The following TNFAIP8 variants were observed in gnomAD, a reference collection of about 807,000 sequenced individuals.
TNFAIP8 encodes TNF alpha induced protein 8.
TNFAIP8 carries 7 observed loss-of-function variants against 13.3 expected under a neutral mutation model. The observed-to-expected ratio is 0.52, with a 90% CI of 0.30 to 0.99. The LOEUF (loss-of-function observed/expected upper bound fraction) is 0.99. Ranked by LOEUF, TNFAIP8 falls within the 50% of genes least tolerant of loss-of-function variation. The probability of loss-of-function intolerance (pLI) is 0.07; values close to 1 mark genes in which losing one functional copy is unlikely to be tolerated. For synonymous variants in TNFAIP8, 94 were observed against 87.6 expected, an observed-to-expected ratio of 1.07 and a Z score of -0.41; for missense variants, 258 against 236.9, an observed-to-expected ratio of 1.09 and a Z score of -0.58.
intron 1 of TNFAIP8, among the ~76,000 whole-genome samples, chr5:119,287,334 G>A (rs943864878): frequency 4.1e-4 from 16 of 39,206 alleles, no homozygotes; most frequent in African/African-American, 8.3e-4. Flanking sequence ...AGATATAATT[G>A]ACACATAAAA....
At position 119,398,476 on chromosome 5, in the gene TNFAIP8, T is replaced by A. The variant is rs1364238948; in HGVS notation, c.*5095T>A. 3 of 151,678 alleles carry A rather than the reference T, an allele frequency of 2.0e-5. No individual in the cohort carries two copies. Among genetic ancestry groups the A allele is most frequent in the African/African-American group, 4.8e-5 (2 of 41,262 alleles). The allele number at this position is 151,678 out of a possible 1,614,324, so 9.4% of individuals were successfully genotyped here. On this transcript the variant is annotated 3_prime_UTR_variant, in exon 2 of 2. Coordinates refer to ENST00000504771, the MANE Select transcript of TNFAIP8 (RefSeq NM_014350.4). ...TGGGCGGATCACCTGAGGTCCAGAG[T>A]TCAAGACCAGCCTGACCAACATGGT... is the stretch of plus-strand genomic sequence containing the variant.
intron 1 of TNFAIP8, among the ~76,000 whole-genome samples, chr5:119,385,548 T>C (rs1580448069): frequency 6.6e-6 from 1 of 152,210 alleles, no homozygotes; most frequent in African/African-American, 2.4e-5. Flanking sequence ...CTATTTTAAC[T>C]AGCAGAGTCC....
At chr5:119,333,673 CTT>C in intron 1 of TNFAIP8, 1 of 1,439,160 alleles carries the variant, frequency 6.9e-7, no homozygotes, top group African/African-American at 1.4e-5. Context: ...GATATAATGT[CTT>C]TGTTGAAATC....
upstream of TNFAIP8, among the ~76,000 whole-genome samples, chr5:119,353,329 G>C (rs1237029227): frequency 1.3e-5 from 2 of 152,232 alleles, no homozygotes; most frequent in Non-Finnish European, 2.9e-5. Flanking sequence ...GTACATATCT[G>C]AGAGCAGCAG....
rs1273378190 is a variant in TNFAIP8, at chr5:119,398,216, G to A, written c.*4835G>A. The A allele has an allele frequency of 6.6e-6, 1 of 152,170 alleles. No homozygotes were observed. The highest frequency in any genetic ancestry group is 1.9e-4 in the East Asian group (1 of 5,198). 9.4% of individuals were successfully genotyped at this position (152,170 alleles called of 1,614,324 possible). A position where few individuals can be genotyped will look rare whatever the true frequency, so the allele number is the denominator to read the frequency against. On this transcript the variant is annotated 3_prime_UTR_variant, in exon 2 of 2. Transcript: ENST00000504771. The stretch of plus-strand genomic sequence containing the variant: ...CTTCCCTGACATCAGCTGCATAACT[G>A]TATTTCTGCCTCGTGGAAATAAAGT...
chr5:119,283,958 T>C (rs1327082073), intron 1 of TNFAIP8, among the ~76,000 whole-genome samples: 1 of 152,260 alleles, frequency 6.6e-6, no homozygotes, highest in African/African-American at 2.4e-5. Flanking sequence ...CTCAGCTGCC[T>C]GTCTTTTTGC....
intron 1 of TNFAIP8, among the ~76,000 whole-genome samples, chr5:119,270,882 A>T (rs1229459256): frequency 1.3e-5 from 2 of 152,218 alleles, no homozygotes; most frequent in Non-Finnish European, 2.9e-5. Flanking sequence ...AAGCATAGTG[A>T]TCCTGCACAA....
chr5:119,335,043 G>T (rs1750507782), intron 1 of TNFAIP8, among the ~76,000 whole-genome samples: 1 of 152,084 alleles, frequency 6.6e-6, no homozygotes, highest in South Asian at 2.1e-4. Flanking sequence ...GAAGTGAAGG[G>T]GAGGCAAGGT....
At chr5:119,291,784 T>C (rs1208230189) in intron 1 of TNFAIP8, among the ~76,000 whole-genome samples, 2 of 152,248 alleles carry the variant, frequency 1.3e-5, no homozygotes, top group Non-Finnish European at 2.9e-5. Context: ...ACTCAAGAGA[T>C]AGTTTCAAGA....
intron 1 of TNFAIP8, among the ~76,000 whole-genome samples, chr5:119,325,716 G>A (rs1302701250): frequency 2.0e-5 from 3 of 152,094 alleles, no homozygotes; most frequent in African/African-American, 7.2e-5. Context: ...CCATAGTGCT[G>A]GGATTACAGG....
intron 1 of TNFAIP8, among the ~76,000 whole-genome samples, chr5:119,350,447 C>G (rs1369672778): frequency 3.3e-5 from 5 of 152,182 alleles, no homozygotes. Context: ...ACCAATCTCC[C>G]ACAGATGCTG....
intron 1 of TNFAIP8, among the ~76,000 whole-genome samples, chr5:119,379,153 C>T (rs1020360850): frequency 5.9e-5 from 9 of 152,116 alleles, no homozygotes; most frequent in African/African-American, 1.9e-4. Flanking sequence ...TTATTAAGCT[C>T]TAAATAGAAG....
chr5:119,299,367 G>T (rs1749284460), intron 1 of TNFAIP8, among the ~76,000 whole-genome samples: 1 of 152,186 alleles, frequency 6.6e-6, no homozygotes, highest in South Asian at 2.1e-4. Context: ...TTTGCTAGAG[G>T]TCCACTCCAG....
chr5:119,298,551 A>G (rs1298927622), intron 1 of TNFAIP8, among the ~76,000 whole-genome samples: 1 of 150,874 alleles, frequency 6.6e-6, no homozygotes, highest in Non-Finnish European at 1.5e-5. Flanking sequence ...TTTTTCCTTC[A>G]TTTCAACTTT....
intron 1 of TNFAIP8, among the ~76,000 whole-genome samples, chr5:119,339,144 G>T (rs1367565724): frequency 6.6e-6 from 1 of 152,156 alleles, no homozygotes; most frequent in Non-Finnish European, 1.5e-5. Flanking sequence ...AGCAATTCTA[G>T]ACTTCATATC....
rs80242027 is a variant in TNFAIP8, at chr5:119,386,501, G to A, written c.32-6315G>A. 3.4e-5 allele frequency among the ~76,000 whole-genome samples: 5 copies of A among 149,066 alleles called. No individual in the cohort carries two copies. The East Asian group carries it at 7.9e-4, about 24-fold the overall frequency. On this transcript the variant is annotated intron_variant, in intron 1 of 1. Coordinates refer to ENST00000504771, the MANE Select transcript of TNFAIP8 (RefSeq NM_014350.4). ...GCCTTAGACAATTCCTAATACTCCCGTCAAAAGAACCCAGTGTTTTGTTTT... is the reference window on the plus strand; with the variant it reads ...GCCTTAGACAATTCCTAATACTCCCATCAAAAGAACCCAGTGTTTTGTTTT...
intron 1 of TNFAIP8, among the ~76,000 whole-genome samples, chr5:119,278,935 G>A (rs998487084): frequency 6.6e-6 from 1 of 152,248 alleles, no homozygotes; most frequent in African/African-American, 2.4e-5. Flanking sequence ...TTATAAAATA[G>A]CACTACTTAC....
intron 1 of TNFAIP8, among the ~76,000 whole-genome samples, chr5:119,368,779 C>G (rs919155709): frequency 6.6e-6 from 1 of 151,980 alleles, no homozygotes; most frequent in Non-Finnish European, 1.5e-5. Flanking sequence ...AGCAATAAAC[C>G]ATGTTTATAA....
At chr5:119,286,169 T>C (rs1218815081) in intron 1 of TNFAIP8, among the ~76,000 whole-genome samples, 1 of 152,198 alleles carries the variant, frequency 6.6e-6, no homozygotes, top group Non-Finnish European at 1.5e-5. Context: ...AAGTGCATGC[T>C]GAGAAAAGGT....
Sources: allele counts gnomAD v4.1 joint callset (sites outside exome capture counted in the v4.1 genomes callset), GRCh38; gene constraint gnomAD v4.1.1; transcripts MANE v1.5; gene names NCBI Gene and HGNC (gene_info 2026-07-23, HGNC 2026-07-21).